The following SPRTN variants were observed in gnomAD, a reference collection of about 807,000 sequenced individuals.
SPRTN encodes DNA-dependent metalloprotease SPRTN.
A neutral mutation model predicts 31.9 loss-of-function variants in SPRTN; 11 were observed. The observed-to-expected ratio is 0.34, with a 90% confidence interval of 0.22 to 0.57. The LOEUF is 0.57. SPRTN is among the 20% of genes least tolerant of loss of function. The pLI is 0.86. For missense variants in SPRTN, 482 were observed against 590.1 expected (o/e 0.82, Z 1.90); for synonymous variants, 185 against 212.1 (o/e 0.87, Z 1.11).
chr1:231,339,553 T>C, intron 1 of SPRTN: 1 of 742,870 alleles, frequency 1.3e-6, no homozygotes, highest in Admixed American at 2.0e-5. Context: ...CACGCTGCTT[T>C]CCTTCCTTGC....
intron 2 of SPRTN, among the ~76,000 whole-genome samples, chr1:231,342,743 A>T (rs2355872): frequency 0.61 from 87,708 of 143,108 alleles, 25,929 homozygotes; most frequent in Middle Eastern, 0.67. Flanking sequence ...ATATTTATTT[A>T]TTTTTTTTTT....
chr1:231,339,789 A>T lies in SPRTN; in HGVS notation c.242A>T (p.Tyr81Phe). 6.2e-7 allele frequency: 1 copy of T among 1,614,124 alleles called. No individual in the cohort carries two copies. The highest frequency in any genetic ancestry group is 8.5e-7 in the Non-Finnish European group (1 of 1,180,008). ...TCTAGGTGTGCTGGGATATGCAGCTATGAAGGGAAGGGTGGAATGTGTTCC... is the reference window on the plus strand; with the variant it reads ...TCTAGGTGTGCTGGGATATGCAGCTTTGAAGGGAAGGGTGGAATGTGTTCC... Reference protein sequence around the residue: ...RMTLCAGICSYEGKGGMCSIR... With the variant: ...RMTLCAGICSFEGKGGMCSIR... Residue 81 changes from tyrosine (Y) to phenylalanine (F), a missense_variant, in exon 2 of 5, where the codon TAT (tyrosine) becomes TTT (phenylalanine). Around this residue, in one of 2 missense-constraint regions of SPRTN, gnomAD observed 157 missense variants for 239.9 expected, o/e 0.65. Coordinates refer to ENST00000295050, the MANE Select transcript of SPRTN (RefSeq NM_032018.7).
Position 231,338,551 on chromosome 1 carries a change from C to T in SPRTN, c.168C>T (p.Phe56=), listed in dbSNP as rs753806988. The change falls in exon 1 of 5, where the codon TTC becomes TTT. Residue 56 remains phenylalanine, a synonymous_variant. Transcript: ENST00000295050. ...QALFVQFNDQ[F]FWGQLEAVEV... ...TGTTTGTTCAGTTTAACGACCAATT[C>T]TTCTGGGGCCAGCTGGAGGCCGTCG... 32 of 1,614,118 alleles carry T rather than the reference C, an allele frequency of 2.0e-5. No individual in the cohort carries two copies. The Admixed American group carries it at 2.5e-4, about 13-fold the overall frequency.
chr1:231,339,735 A>G (rs1359201499), intron 1 of SPRTN, 34 bp from the exon 2 acceptor site: 3 of 1,610,122 alleles, frequency 1.9e-6, no homozygotes, highest in Non-Finnish European at 2.5e-6. Flanking sequence ...ATATTTGGCC[A>G]ATGTAACACA....
At chr1:231,342,928 G>A (rs919290212) in intron 2 of SPRTN, among the ~76,000 whole-genome samples, 2 of 151,630 alleles carry the variant, frequency 1.3e-5, no homozygotes, top group Non-Finnish European at 2.9e-5. Context: ...TACTAGAGAC[G>A]GGGTTTCATC....
rs866724101 is a variant in SPRTN, at chr1:231,349,786, G to A, written c.451-1518G>A. Among the ~76,000 whole-genome samples, 3 of 152,162 alleles carry A rather than the reference G, an allele frequency of 2.0e-5. 1 individual carries two copies. In the South Asian group the frequency reaches 6.2e-4, roughly 32 times the overall value. The stretch of plus-strand genomic sequence containing the variant: ...GCACTTTGGGAGGCCGAAGTGGGAG[G>A]GTAACTTGAGCCCAGGTGTTTGAGA... On this transcript the variant is annotated intron_variant, in intron 3 of 4. Coordinates refer to ENST00000295050, the MANE Select transcript of SPRTN (RefSeq NM_032018.7).
rs901423513 is a variant in SPRTN at position 231,354,219 on chromosome 1, T to C, written c.*858T>C. ...ACTTTAAGCCAAGTTTAAAACATTA[T>C]AATAAAAGGAATACCATTTGTGCAT... On this transcript the variant is annotated 3_prime_UTR_variant, in exon 5 of 5. Coordinates refer to ENST00000295050, the MANE Select transcript of SPRTN (RefSeq NM_032018.7). 2.0e-6 allele frequency: 2 copies of C among 978,260 alleles called. No individual in the cohort carries two copies. Among genetic ancestry groups the C allele is most frequent in the Non-Finnish European group, 2.4e-6 (2 of 823,548 alleles). The allele number at this position is 978,260 out of a possible 1,614,324, so 60.6% of individuals were successfully genotyped here.
At chr1:231,345,226 A>G (rs533997198) in intron 2 of SPRTN, among the ~76,000 whole-genome samples, 1 of 150,548 alleles carries the variant, frequency 6.6e-6, no homozygotes, top group Admixed American at 6.6e-5. Flanking sequence ...GGTTCAGGTG[A>G]TTCTCCTGCC....
intron 3 of SPRTN, among the ~76,000 whole-genome samples, chr1:231,350,829 AG>A (rs1687202539): frequency 6.7e-5 from 2 of 29,984 alleles, no homozygotes; most frequent in African/African-American, 1.4e-4. Context: ...TGTTAGCGTC[AG>A]TCAGGCATTT....
Position 231,351,575 on chromosome 1 carries a change from C to A in SPRTN, c.718+4C>A. 1 of 1,613,158 alleles carries A rather than the reference C, an allele frequency of 6.2e-7. No homozygotes were observed. Among genetic ancestry groups the A allele is most frequent in the Non-Finnish European group, 8.5e-7 (1 of 1,179,740 alleles). Reference sequence around the variant, plus strand: ...GTATTGGCCGCAGAGAATAAAGGTACCTTCGTGTATATTCTTCTGATTTTT... The same window carrying A: ...GTATTGGCCGCAGAGAATAAAGGTAACTTCGTGTATATTCTTCTGATTTTT... On this transcript the variant is annotated splice_donor_region_variant and intron_variant, in intron 4 of 4. Coordinates refer to ENST00000295050, the MANE Select transcript of SPRTN (RefSeq NM_032018.7).
intron 2 of SPRTN, among the ~76,000 whole-genome samples, chr1:231,343,688 G>A (rs758973764): frequency 3.9e-5 from 6 of 152,130 alleles, no homozygotes; most frequent in Non-Finnish European, 8.8e-5. Flanking sequence ...CTTGGAGCCT[G>A]TCCCAGGTCT....
intron 3 of SPRTN, 143 bp from the exon 4 acceptor site, chr1:231,351,161 C>T: frequency 1.7e-6 from 2 of 1,188,108 alleles, no homozygotes; most frequent in Non-Finnish European, 2.1e-6. Context: ...GCTTTCTCTC[C>T]TAAAATAGAA....
At chr1:231,347,730 A>G in intron 2 of SPRTN, 67 bp from the exon 3 acceptor site, 3 of 1,524,162 alleles carry the variant, frequency 2.0e-6, no homozygotes, top group Admixed American at 2.2e-5. Context: ...CAGATAGAAT[A>G]AGAAAATTTA....
At chr1:231,338,655 C>A (rs745919945) in intron 1 of SPRTN, 51 bp downstream of exon 1, 4 of 1,602,776 alleles carry the variant, frequency 2.5e-6, no homozygotes, top group Admixed American at 1.7e-5. Context: ...AGCTTTCCTG[C>A]AGCCCCCGGC....
chr1:231,346,408 T>C (rs1299296199), intron 2 of SPRTN, among the ~76,000 whole-genome samples: 1 of 150,302 alleles, frequency 6.7e-6, no homozygotes, highest in African/African-American at 2.5e-5. Flanking sequence ...GGTTTCACCA[T>C]GTTGAGCAGG....
rs1295047091 is a variant in SPRTN at position 231,353,764 on chromosome 1, C to A, written c.*403C>A. ...ATAGTATTAGAACTCATTCCCTGAA[C>A]TGATGTAAATCTTCATAGTGTCAGA... is the stretch of plus-strand genomic sequence containing the variant. On this transcript the variant is annotated 3_prime_UTR_variant, in exon 5 of 5. Coordinates refer to ENST00000295050, the MANE Select transcript of SPRTN (RefSeq NM_032018.7). 1.0e-6 allele frequency: 1 copy of A among 984,260 alleles called. No homozygotes were observed. Among genetic ancestry groups the A allele is most frequent in the African/African-American group, 1.7e-5 (1 of 57,160 alleles). 61.0% of individuals were successfully genotyped at this position (984,260 alleles called of 1,614,324 possible).
At chr1:231,350,876 ATT>A (rs1172021475) in intron 3 of SPRTN, among the ~76,000 whole-genome samples, 1 of 152,000 alleles carries the variant, frequency 6.6e-6, no homozygotes, top group African/African-American at 2.4e-5. Flanking sequence ...ACCCTTTGCT[ATT>A]TTTACTTATA....
chr1:231,343,197 T>TCTATAGCCTAGGTATATATACC (rs1686951607), intron 2 of SPRTN, among the ~76,000 whole-genome samples: 1 of 152,034 alleles, frequency 6.6e-6, no homozygotes, highest in Non-Finnish European at 1.5e-5. Context: ...GTATATATAC[T>TCTATAGCCTAGGTATATATACC]CTATAGCCTA....
chr1:231,346,757 A>G (rs895028883), intron 2 of SPRTN, among the ~76,000 whole-genome samples: 3 of 152,134 alleles, frequency 2.0e-5, no homozygotes, highest in African/African-American at 7.2e-5. Flanking sequence ...ATCCTTGCCA[A>G]TATGGCCAAA....
Sources: allele counts gnomAD v4.1 joint callset (sites outside exome capture counted in the v4.1 genomes callset), GRCh38; gene constraint gnomAD v4.1.1; regional missense constraint gnomAD v4.1.1; transcripts MANE v1.5; gene names NCBI Gene and HGNC (gene_info 2026-07-23, HGNC 2026-07-21).